Variants in VPS8 observed in about 807,000 individuals in gnomAD.
VPS8 encodes the protein VPS8 subunit of CORVET complex, also known as vacuolar protein sorting-associated protein 8 homolog.
Under a neutral mutation model 216.4 loss-of-function variants are expected in VPS8, and 129 were observed. The ratio of observed to expected loss-of-function variants is 0.60; its 90% CI spans 0.52 to 0.69. The LOEUF (loss-of-function observed/expected upper bound fraction) is 0.69, where lower values mean the gene tolerates loss of function less well. Ranked by LOEUF, VPS8 falls within the 30% of genes least tolerant of loss-of-function variation. VPS8 has a pLI of 0.00. For missense variants in VPS8, 1,531 were observed against 1,683.5 expected (o/e 0.91, Z 1.59); for synonymous variants, 571 against 565.4 (o/e 1.01, Z -0.14).
At chr3:184,897,277 T>C (rs1034806244) in intron 23 of VPS8, among the ~76,000 whole-genome samples, 3 of 152,000 alleles carry the variant, frequency 2.0e-5, no homozygotes, top group Non-Finnish European at 4.4e-5. Flanking sequence ...TGGCCTGATT[T>C]TGGATGTTTT....
In VPS8 at chr3:185,051,964, G is replaced by C; in HGVS notation, c.4226G>C (p.Ser1409Thr). 1 of 1,613,274 alleles carries C rather than the reference G, an allele frequency of 6.2e-7. No homozygotes were observed. Among genetic ancestry groups the C allele is most frequent in the Non-Finnish European group, 8.5e-7 (1 of 1,179,522 alleles). Residue 1409 changes from serine to threonine, a missense_variant, in exon 48 of 48, where the codon AGC (serine) becomes ACC (threonine). Coordinates refer to ENST00000625842, the MANE Select transcript of VPS8 (RefSeq NM_001009921.3). ...TCGCAGAGTGCTCCTGCTTTCAACA[G>C]CATCTTCCAGAATGAGAACTTCCAG... ...SGSQSAPAFNSIFQNENFQLQ... is the reference protein window; with the variant it reads ...SGSQSAPAFNTIFQNENFQLQ...
rs368409788 is a variant in VPS8, at chr3:185,027,464, G to T, written c.4056+3075G>T. Among the ~76,000 whole-genome samples, 61 of 150,854 alleles carry T rather than the reference G, an allele frequency of 4.0e-4. 1 individual carries two copies. The East Asian group carries it at 7.9e-3, about 20-fold the overall frequency. Reference sequence around the variant, plus strand: ...TCACTGTGTTAGCCAGGATGGTCTCGATCTCCTGACCTCGTGATCCGCCTG... The same window carrying T: ...TCACTGTGTTAGCCAGGATGGTCTCTATCTCCTGACCTCGTGATCCGCCTG... On this transcript the variant is annotated intron_variant, in intron 46 of 47. Coordinates refer to ENST00000625842, the MANE Select transcript of VPS8 (RefSeq NM_001009921.3).
At chr3:185,010,864 C>T (rs771260882) in intron 45 of VPS8, among the ~76,000 whole-genome samples, 10 of 151,788 alleles carry the variant, frequency 6.6e-5, no homozygotes, top group Admixed American at 2.0e-4. Context: ...ATTAGCCAAG[C>T]GGGTGGCACA....
intron 46 of VPS8, among the ~76,000 whole-genome samples, chr3:185,038,892 G>T (rs899779907): frequency 6.6e-6 from 1 of 152,204 alleles, no homozygotes; most frequent in African/African-American, 2.4e-5. Context: ...AAGATTTTCA[G>T]TGCACAGCCT....
intron 22 of VPS8, among the ~76,000 whole-genome samples, chr3:184,889,432 C>T (rs1425035873): frequency 1.3e-5 from 2 of 152,136 alleles, no homozygotes; most frequent in African/African-American, 2.4e-5. Flanking sequence ...CTTTCTTCCT[C>T]CTCCTGCTCT....
intron 44 of VPS8, among the ~76,000 whole-genome samples, chr3:184,997,860 GA>G (rs1348973636): frequency 6.6e-6 from 1 of 152,196 alleles, no homozygotes; most frequent in African/African-American, 2.4e-5. Context: ...TGCTATAGAG[GA>G]AAAGGAATGT....
intron 45 of VPS8, among the ~76,000 whole-genome samples, chr3:185,004,160 A>G (rs1225419654): frequency 6.6e-6 from 1 of 152,026 alleles, no homozygotes; most frequent in Non-Finnish European, 1.5e-5. Flanking sequence ...GCGAGCCGAG[A>G]CCACGCCACT....
At chr3:185,041,357 G>A (rs552776365) in intron 46 of VPS8, among the ~76,000 whole-genome samples, 12 of 152,028 alleles carry the variant, frequency 7.9e-5, no homozygotes, top group African/African-American at 2.7e-4. Flanking sequence ...TTGAGTAGTT[G>A]TCTGTTCCCA....
At chr3:185,035,297 C>T (rs550376725) in intron 46 of VPS8, among the ~76,000 whole-genome samples, 1 of 152,072 alleles carries the variant, frequency 6.6e-6, no homozygotes, top group Non-Finnish European at 1.5e-5. Flanking sequence ...CTGGCAGAGA[C>T]ACGATGTAGA....
Position 184,843,198 on chromosome 3 carries a change from TTTTC to T in VPS8, c.536-38_536-35del, listed in dbSNP as rs773338534. ...TCGAACTTTTGAACTGATTTCTTGC[TTTTC>T]TTTATCTTTCTTGATCTTTTCTTCA... On this transcript the variant is annotated intron_variant, in intron 7 of 47. Coordinates refer to ENST00000625842, the MANE Select transcript of VPS8 (RefSeq NM_001009921.3). 3.5e-6 allele frequency: 5 copies of T among 1,410,636 alleles called. No individual in the cohort carries two copies. In the African/African-American group the frequency reaches 7.2e-5, roughly 20 times the overall value. 87.4% of individuals were successfully genotyped at this position (1,410,636 alleles called of 1,614,324 possible).
At chr3:184,893,543 A>G (rs979874539) in intron 22 of VPS8, 86 of 403,194 alleles carry the variant, frequency 2.1e-4, no homozygotes, top group Non-Finnish European at 2.7e-4. Context: ...TAAAAGAATT[A>G]TTAAATTGTC....
chr3:185,027,682 G>A (rs1286563038), intron 46 of VPS8, among the ~76,000 whole-genome samples: 1 of 152,082 alleles, frequency 6.6e-6, no homozygotes, highest in Non-Finnish European at 1.5e-5. Flanking sequence ...TTAGAAATAG[G>A]TTCTGCAACC....
intron 46 of VPS8, among the ~76,000 whole-genome samples, chr3:185,026,331 C>G (rs564732737): frequency 6.6e-6 from 1 of 151,796 alleles, no homozygotes; most frequent in East Asian, 1.9e-4. Flanking sequence ...TTTTAAAGGA[C>G]TTGAGCATCC....
intron 28 of VPS8, among the ~76,000 whole-genome samples, chr3:184,916,840 C>T (rs767176846): frequency 6.6e-6 from 1 of 151,956 alleles, no homozygotes; most frequent in Admixed American, 6.6e-5. Context: ...GTGGTAGCAC[C>T]GAAACACATT....
chr3:184,845,837 T>A (rs1432216474), intron 8 of VPS8, among the ~76,000 whole-genome samples: 1 of 152,130 alleles, frequency 6.6e-6, no homozygotes, highest in Non-Finnish European at 1.5e-5. Flanking sequence ...AGATTACATT[T>A]GTTACACTGT....
At chr3:184,966,738 C>T (rs1166386154) in intron 39 of VPS8, 25 bp downstream of exon 39, 2 of 1,543,076 alleles carry the variant, frequency 1.3e-6, no homozygotes, top group East Asian at 4.5e-5. Context: ...ATAATTACAA[C>T]ATTTTTCATC....
chr3:184,995,534 C>A (rs1016784917), intron 43 of VPS8, among the ~76,000 whole-genome samples: 1 of 152,150 alleles, frequency 6.6e-6, no homozygotes, highest in African/African-American at 2.4e-5. Context: ...AAAAGTATTG[C>A]ATTACAGGCA....
At position 184,839,718 on chromosome 3, in the gene VPS8, A is replaced by G. The variant is rs1214268339; in HGVS notation, c.501A>G (p.Ala167=). The part of the protein sequence containing the change: ...PTAIAVSSLI[A]VGTSHGLALI... ...TTCAGGCAGTATCCAGTCTGATAGC[A>G]GTGGGTACATCTCATGGATTGGCTT... Residue 167 remains alanine (A), a synonymous_variant, in exon 7 of 48, where the codon GCA becomes GCG. Transcript: ENST00000625842. The G allele has an allele frequency of 1.2e-6, 2 of 1,606,942 alleles. No individual in the cohort carries two copies. The highest frequency in any genetic ancestry group is 1.7e-4 in the Middle Eastern group (1 of 6,050).
At chr3:184,908,979 G>A (rs1050529651) in intron 25 of VPS8, among the ~76,000 whole-genome samples, 1 of 152,332 alleles carries the variant, frequency 6.6e-6, no homozygotes, top group Admixed American at 6.5e-5. Context: ...AGAAACAGAA[G>A]TTCTCACTCC....
Sources: allele counts gnomAD v4.1 joint callset (sites outside exome capture counted in the v4.1 genomes callset), GRCh38; gene constraint gnomAD v4.1.1; transcripts MANE v1.5; gene names NCBI Gene and HGNC (gene_info 2026-07-23, HGNC 2026-07-21).